Variants in TRPM4 observed in about 807,000 individuals in gnomAD.
TRPM4 encodes the protein calcium-activated non-selective cation channel 1.
In TRPM4, 124 loss-of-function variants were observed where a neutral mutation model predicts 135.6. The ratio of observed to expected loss-of-function variants is 0.91; its 90% CI spans 0.79 to 1.06. The LOEUF (loss-of-function observed/expected upper bound fraction) is 1.06. Ranked by LOEUF, TRPM4 falls within the 50% of genes least tolerant of loss-of-function variation. TRPM4 has a pLI of 0.00. For missense variants in TRPM4, 1,658 were observed against 1,671.4 expected (o/e 0.99, Z 0.14); for synonymous variants, 745 against 705.6 (o/e 1.06, Z -0.88).
intron 19 of TRPM4, 89 bp downstream of exon 19, chr19:49,200,874 G>A: frequency 7.4e-7 from 1 of 1,347,746 alleles, no homozygotes; most frequent in Non-Finnish European, 1.0e-6. Context: ...GAAAATATCT[G>A]TCTCTCTGAG....
In TRPM4 at chr19:49,188,834, C is replaced by G. The variant is rs543774210; in HGVS notation, c.1873+64C>G. ...TGCCGCCAGAGGGGGATGTGCAACTCCGCACTCCTCACATATCCCTGCGCC... is the reference window on the plus strand; with the variant it reads ...TGCCGCCAGAGGGGGATGTGCAACTGCGCACTCCTCACATATCCCTGCGCC... On this transcript the variant is annotated intron_variant, in intron 13 of 24. Coordinates refer to ENST00000252826, the MANE Select transcript of TRPM4 (RefSeq NM_017636.4). 2,686 of 1,612,864 alleles carry G rather than the reference C, an allele frequency of 1.7e-3. 4 individuals are homozygous for G. Among genetic ancestry groups the G allele is most frequent in the Middle Eastern group, 2.2e-3 (13 of 5,996 alleles).
rs779059936 is a variant in TRPM4 at position 49,202,072 on chromosome 19, T to A, written c.3062T>A (p.Val1021Glu). The A allele has an allele frequency of 6.8e-5, 109 of 1,613,984 alleles. No homozygotes were observed. Among genetic ancestry groups the A allele is most frequent in the Non-Finnish European group, 9.1e-5 (107 of 1,180,046 alleles). Reference protein sequence around the residue: ...CVSQYANWLVVLLLVIFLLVA... With the variant: ...CVSQYANWLVELLLVIFLLVA... ...TCCCAGTATGCCAACTGGCTGGTGG[T>A]GCTGCTCCTCGTCATCTTCCTGCTC... The change falls in exon 20 of 25, where the codon GTG becomes GAG. Residue 1021 changes from valine to glutamate, a missense_variant. Coordinates refer to ENST00000252826, the MANE Select transcript of TRPM4 (RefSeq NM_017636.4).
intron 2 of TRPM4, among the ~76,000 whole-genome samples, chr19:49,164,235 C>CTCTT (rs942730281): frequency 2.7e-5 from 4 of 150,626 alleles, no homozygotes; most frequent in Non-Finnish European, 4.4e-5. Flanking sequence ...TTTTCTCTCT[C>CTCTT]TCTTTCTTTC....
intron 2 of TRPM4, among the ~76,000 whole-genome samples, chr19:49,160,483 C>CA (rs555159944): frequency 0.048 from 3,263 of 67,456 alleles, 101 homozygotes; most frequent in African/African-American, 0.1. Context: ...GACTCCATCT[C>CA]AAAAAAAAAA....
At chr19:49,182,454 ATCCATCCATCCATC>A (rs1444309301) in intron 10 of TRPM4, 110 bp from the exon 11 acceptor site, 2 of 91,516 alleles carry the variant, frequency 2.2e-5, no homozygotes, top group Admixed American at 1.4e-4. Context: ...CCATCCACCC[ATCCATCCATCCATC>A]CATCCATCCA....
chr19:49,157,954 G>C, intron 1 of TRPM4, 64 bp downstream of exon 1: 2 of 1,511,424 alleles, frequency 1.3e-6, no homozygotes, highest in South Asian at 2.4e-5. Context: ...GGCTCCCAGA[G>C]AGGAGGGCGC....
chr19:49,206,432 T>C (rs1480146616), intron 20 of TRPM4, among the ~76,000 whole-genome samples: 1 of 151,846 alleles, frequency 6.6e-6, no homozygotes, highest in Non-Finnish European at 1.5e-5. Context: ...TTCTTTTTTT[T>C]TCCTTTTTTT....
At chr19:49,184,791 CT>C (rs971396057) in intron 12 of TRPM4, among the ~76,000 whole-genome samples, 26 of 147,868 alleles carry the variant, frequency 1.8e-4, no homozygotes, top group Middle Eastern at 6.9e-3. Context: ...TGTAGTCTGT[CT>C]TTTTTTTTTC....
rs1600520277 is a variant in TRPM4 at position 49,202,076 on chromosome 19, G to C, written c.3066G>C (p.Leu1022=). ...VSQYANWLVV[L]LLVIFLLVAN... is the part of the protein sequence containing the mutation. ...AGTATGCCAACTGGCTGGTGGTGCT[G>C]CTCCTCGTCATCTTCCTGCTCGTGG... Residue 1022 remains leucine, a synonymous_variant, in exon 20 of 25, where the codon CTG becomes CTC. Coordinates refer to ENST00000252826, the MANE Select transcript of TRPM4 (RefSeq NM_017636.4). 2.5e-6 allele frequency: 4 copies of C among 1,614,080 alleles called. No individual in the cohort carries two copies. Among genetic ancestry groups the C allele is most frequent in the African/African-American group, 2.7e-5 (2 of 75,042 alleles).
chr19:49,211,438 T>A lies in TRPM4; in HGVS notation c.3641-56T>A, dbSNP rs767617426. The A allele has an allele frequency of 1.1e-5, 17 of 1,613,308 alleles. No individual in the cohort carries two copies. The highest frequency in any genetic ancestry group is 1.7e-5 in the Admixed American group (1 of 60,026). ...TCTTTTTTGCCAGTCTCCCAGTTTT[T>A]CTGTCTCTCCCCTTCCCTGCCAATC... On this transcript the variant is annotated intron_variant, in intron 24 of 24. Transcript: ENST00000252826. The surrounding 1 kb of genome is among the most constrained non-coding windows in gnomAD (Gnocchi z 4.8).
At chr19:49,164,350 CCTTT>C (rs1263927811) in intron 2 of TRPM4, among the ~76,000 whole-genome samples, 1 of 97,626 alleles carries the variant, frequency 1.0e-5, no homozygotes, top group Non-Finnish European at 2.0e-5. Flanking sequence ...CTCCCTCCTT[CCTTT>C]CTTTCCTTAG....
chr19:49,188,329 G>C (rs933914257), intron 12 of TRPM4, among the ~76,000 whole-genome samples: 2 of 151,976 alleles, frequency 1.3e-5, no homozygotes, highest in African/African-American at 2.4e-5. Flanking sequence ...GCCTCCCAAC[G>C]TGCTGGGATT....
chr19:49,182,437 C>A, intron 10 of TRPM4, 141 bp from the exon 11 acceptor site: 1 of 701,786 alleles, frequency 1.4e-6, no homozygotes, highest in East Asian at 2.7e-5. Context: ...CCTATCCATT[C>A]ATCCATCCAT....
At chr19:49,191,822 T>C (rs994950339) in intron 16 of TRPM4, among the ~76,000 whole-genome samples, 3 of 152,060 alleles carry the variant, frequency 2.0e-5, no homozygotes, top group Non-Finnish European at 4.4e-5. Flanking sequence ...CAATGTGAGA[T>C]TTGGAAGGGA....
At position 49,210,558 on chromosome 19, in the gene TRPM4, G is replaced by A. The variant is rs982667619; in HGVS notation, c.3329-152G>A. Reference sequence around the variant, plus strand: ...ACAAGGGGCGGAGCTTAAGCACTGAGGGGCAGTGCTTACGGGTGAGGGGCG... The same window carrying A: ...ACAAGGGGCGGAGCTTAAGCACTGAAGGGCAGTGCTTACGGGTGAGGGGCG... On this transcript the variant is annotated intron_variant, in intron 21 of 24. Coordinates refer to ENST00000252826, the MANE Select transcript of TRPM4 (RefSeq NM_017636.4). The surrounding 1 kb of genome is among the most constrained non-coding windows in gnomAD (Gnocchi z 4.1). 6.4e-6 allele frequency: 9 copies of A among 1,400,572 alleles called. No individual in the cohort carries two copies. Among genetic ancestry groups the A allele is most frequent in the Middle Eastern group, 4.2e-4 (2 of 4,772 alleles). 86.8% of individuals were successfully genotyped at this position (1,400,572 alleles called of 1,614,324 possible). A position where few individuals can be genotyped will look rare whatever the true frequency, so the allele number is the denominator to read the frequency against.
At chr19:49,197,358 TTCTTTC>T (rs1260161110) in intron 17 of TRPM4, among the ~76,000 whole-genome samples, 7,310 of 99,830 alleles carry the variant, frequency 0.073, 258 homozygotes, top group Non-Finnish European at 0.087. Flanking sequence ...CTTTCTTTCT[TTCTTTC>T]TCTCTCTTTC....
Position 49,196,743 on chromosome 19 carries a change from C to A in TRPM4, c.2514C>A (p.Gly838=). The A allele has an allele frequency of 6.5e-7, 1 of 1,548,126 alleles. No homozygotes were observed. Among genetic ancestry groups the A allele is most frequent in the Non-Finnish European group, 8.7e-7 (1 of 1,153,210 alleles). Residue 838 remains glycine, a synonymous_variant, in exon 17 of 25, where the codon GGC becomes GGA. Coordinates refer to ENST00000252826, the MANE Select transcript of TRPM4 (RefSeq NM_017636.4). The part of the protein sequence containing the change: ...ELRQGLSGGG[G]SLASGGPGPG... ...GCCAGGGCCTGAGCGGAGGCGGGGG[C>A]AGCCTCGCCAGCGGGGGCCCCGGGC...
In TRPM4 at chr19:49,157,889, A is replaced by T. The variant is rs1057522811; in HGVS notation, c.23A>T (p.Gln8Leu). The T allele has an allele frequency of 6.5e-7, 1 of 1,535,180 alleles. No homozygotes were observed. Among genetic ancestry groups the T allele is most frequent in the Non-Finnish European group, 8.7e-7 (1 of 1,146,424 alleles). Residue 8 changes from glutamine to leucine, a missense_variant and splice_region_variant, in exon 1 of 25, where the codon CAG becomes CTG. By Grantham distance (113) the Gln-to-Leu change is moderately radical (BLOSUM62 -2). Coordinates refer to ENST00000252826, the MANE Select transcript of TRPM4 (RefSeq NM_017636.4). MVVPEKE[Q>L]SWIPKIFKKK... ...AGCATGGTGGTGCCGGAGAAGGAGC[A>T]GGTGAGCGCCGGACCAGGGTCTGCG...
chr19:49,166,249 CCAGGGG>C, intron 3 of TRPM4, 34 bp downstream of exon 3: 1 of 1,560,022 alleles, frequency 6.4e-7, no homozygotes, highest in Non-Finnish European at 8.7e-7. Context: ...GGCCCGGGCA[CCAGGGG>C]GCTGCATGCT....
Sources: allele counts gnomAD v4.1 joint callset (sites outside exome capture counted in the v4.1 genomes callset), GRCh38; gene constraint gnomAD v4.1.1; non-coding constraint Gnocchi (gnomAD v3.1); transcripts MANE v1.5; gene names NCBI Gene and HGNC (gene_info 2026-07-23, HGNC 2026-07-21).